The following PPEF1 variants were observed in gnomAD, a reference collection of about 807,000 sequenced individuals.
PPEF1 encodes the protein serine/threonine-protein phosphatase with EF-hands 1.
Under a neutral mutation model 53.3 loss-of-function variants are expected in PPEF1, and 12 were observed. The observed-to-expected ratio is 0.23, with a 90% CI of 0.14 to 0.36. The LOEUF (loss-of-function observed/expected upper bound fraction) is 0.36, where lower values mean the gene tolerates loss of function less well. Among genes scored for constraint, PPEF1 ranks in the 10% least tolerant of loss-of-function variants. The probability of loss-of-function intolerance (pLI) is 1.00; values close to 1 mark genes in which losing one functional copy is unlikely to be tolerated. For synonymous variants in PPEF1, 165 were observed against 176.7 expected (o/e 0.93, Z 0.52); for missense variants, 334 against 490.4 (o/e 0.68, Z 3.01).
chrX:18,749,858 T>C lies in PPEF1; in HGVS notation c.302T>C (p.Ile101Thr). Reference sequence around the variant, plus strand: ...GATAGATGGGATTATGTGGACTCGATAGATGTCCCAGACTCCTATAATGGT... The same window carrying C: ...GATAGATGGGATTATGTGGACTCGACAGATGTCCCAGACTCCTATAATGGT... ...MRDRWDYVDS[I>T]DVPDSYNGPR... is the part of the protein sequence containing the mutation. The change falls in exon 4 of 16, where the codon ATA becomes ACA. Residue 101 changes from isoleucine to threonine, a missense_variant. Transcript: ENST00000470157. 1 of 1,173,680 alleles carries C rather than the reference T, an allele frequency of 8.5e-7. No homozygotes were observed. The highest frequency in any genetic ancestry group is 3.1e-5 in the East Asian group (1 of 32,124).
chrX:18,738,501 G>T (rs1287483793), intron 3 of PPEF1, among the ~76,000 whole-genome samples: 20 of 112,134 alleles, frequency 1.8e-4, no homozygotes, highest in Non-Finnish European at 3.8e-4. Context: ...TCCGCTGTTA[G>T]TCTGATAGGC....
Position 18,749,886 on chromosome X carries a change from T to C in PPEF1, c.330T>C (p.Pro110=), listed in dbSNP as rs1365036930. The part of the protein sequence containing the change: ...SIDVPDSYNG[P]RLQFPLTCTD... ...ATGTCCCAGACTCCTATAATGGTCCTCGGCTACAATTTCCTCTCACTTGTA... is the reference window on the plus strand; with the variant it reads ...ATGTCCCAGACTCCTATAATGGTCCCCGGCTACAATTTCCTCTCACTTGTA... The change falls in exon 4 of 16, where the codon CCT becomes CCC. Residue 110 remains proline, a synonymous_variant. Coordinates refer to ENST00000470157, the MANE Select transcript of PPEF1 (RefSeq NM_001377996.1). 3 of 1,203,126 alleles carry C rather than the reference T, an allele frequency of 2.5e-6. No individual in the cohort carries two copies. Among genetic ancestry groups the C allele is most frequent in the Non-Finnish European group, 3.4e-6 (3 of 888,855 alleles).
intron 12 of PPEF1, among the ~76,000 whole-genome samples, chrX:18,812,375 T>G (rs2147723046): frequency 8.9e-6 from 1 of 112,514 alleles, no homozygotes; most frequent in African/African-American, 3.2e-5. Flanking sequence ...CTGTCCTAAT[T>G]ATTGTAACTT....
chrX:18,758,960 C>T (rs1441748156), intron 5 of PPEF1, among the ~76,000 whole-genome samples: 1 of 111,333 alleles, frequency 9.0e-6, no homozygotes, highest in Admixed American at 9.6e-5. Flanking sequence ...ATTCCTTGCT[C>T]TTATGGGTGA....
intron 4 of PPEF1, among the ~76,000 whole-genome samples, chrX:18,696,812 C>G (rs759853356): frequency 3.6e-5 from 4 of 111,224 alleles, no homozygotes; most frequent in Non-Finnish European, 7.5e-5. Flanking sequence ...GAGCTTCCCC[C>G]CTTTGGTGCT....
In PPEF1 at chrX:18,734,506, A is replaced by G. The variant is rs1206369520; in HGVS notation, c.235+698A>G. ...GTATTCCATGGTGTATATGTGCCAC[A>G]TTTTCTTAATCCAGTCTATCATTGA... is the stretch of plus-strand genomic sequence containing the variant. On this transcript the variant is annotated intron_variant, in intron 3 of 15. Transcript: ENST00000470157. 6.3e-5 allele frequency among the ~76,000 whole-genome samples: 7 copies of G among 110,682 alleles called. No homozygotes were observed. The Admixed American group carries it at 6.8e-4, about 11-fold the overall frequency.
intron 3 of PPEF1, among the ~76,000 whole-genome samples, chrX:18,686,631 A>G (rs1348571898): frequency 9.0e-6 from 1 of 111,054 alleles, no homozygotes; most frequent in Non-Finnish European, 1.9e-5. Context: ...TCACTTGGCT[A>G]AAAAACAGGA....
chrX:18,739,242 T>C (rs748874735), intron 3 of PPEF1, among the ~76,000 whole-genome samples: 27 of 112,666 alleles, frequency 2.4e-4, no homozygotes, highest in African/African-American at 8.4e-4. Flanking sequence ...TTTTCTGCTC[T>C]GGTTTCTCCG....
intron 1 of PPEF1, among the ~76,000 whole-genome samples, chrX:18,683,269 G>A (rs1162358768): frequency 9.0e-6 from 1 of 111,483 alleles, no homozygotes; most frequent in Non-Finnish European, 1.9e-5. Context: ...CAGGGCGCTT[G>A]CTCACGTGTG....
upstream of PPEF1, among the ~76,000 whole-genome samples, chrX:18,678,865 T>G (rs1399371111): frequency 9.0e-6 from 1 of 110,885 alleles, no homozygotes; most frequent in Non-Finnish European, 1.9e-5. Flanking sequence ...TCTCTATTTG[T>G]TCTCACCACC....
At chrX:18,708,034 T>C (rs1419217166) in intron 1 of PPEF1, among the ~76,000 whole-genome samples, 2 of 112,462 alleles carry the variant, frequency 1.8e-5, no homozygotes, top group Admixed American at 1.9e-4. Flanking sequence ...CTTAGAGATA[T>C]TTTGTGTTTG....
At chrX:18,730,663 C>T (rs1437967986) in intron 2 of PPEF1, among the ~76,000 whole-genome samples, 2 of 110,150 alleles carry the variant, frequency 1.8e-5, no homozygotes, top group African/African-American at 6.6e-5. Flanking sequence ...AATTTCCTAG[C>T]AACAAACCTC....
intron 4 of PPEF1, among the ~76,000 whole-genome samples, chrX:18,750,851 GT>G (rs911829101): frequency 8.4e-5 from 9 of 107,373 alleles, no homozygotes; most frequent in South Asian, 8.0e-4. Context: ...TTGTTATTTT[GT>G]TTTTTTTTTT....
intron 12 of PPEF1, among the ~76,000 whole-genome samples, chrX:18,810,057 T>G (rs1181529799): frequency 1.0e-5 from 1 of 97,320 alleles, no homozygotes; most frequent in African/African-American, 3.8e-5. Context: ...TTTATGTCAA[T>G]AAAGCTGGAA....
chrX:18,701,784 T>C (rs182584292), intron 6 of PPEF1, among the ~76,000 whole-genome samples: 78 of 112,650 alleles, frequency 6.9e-4, no homozygotes, highest in African/African-American at 2.4e-3. Context: ...TATGTAATAG[T>C]GGGACCTTTA....
chrX:18,774,972 T>C, intron 6 of PPEF1, among the ~76,000 whole-genome samples: 1 of 111,311 alleles, frequency 9.0e-6, no homozygotes. Context: ...AAATGTTCTC[T>C]CATATTTTTG....
chrX:18,782,413 CTTTTTT>C lies in PPEF1; in HGVS notation c.762+22_762+27del. On this transcript the variant is annotated intron_variant, in intron 8 of 15. Coordinates refer to ENST00000470157, the MANE Select transcript of PPEF1 (RefSeq NM_001377996.1). ...TTGCATAAATATAAGGTAAGACATG[CTTTTTT>C]TTTTTTTTTTAGTATTCACTTTGCT... 1 of 939,519 alleles carries C rather than the reference CTTTTTT, an allele frequency of 1.1e-6. No homozygotes were observed. The highest frequency in any genetic ancestry group is 1.4e-6 in the Non-Finnish European group (1 of 702,394). The allele number at this position is 939,519 out of a possible 1,213,427, so 77.4% of individuals were successfully genotyped here.
chrX:18,778,014 G>C (rs1160411949), intron 6 of PPEF1, among the ~76,000 whole-genome samples: 2 of 111,327 alleles, frequency 1.8e-5, no homozygotes, highest in African/African-American at 6.5e-5. Flanking sequence ...CAAGGTGCTG[G>C]GATTAAAGGT....
intron 10 of PPEF1, among the ~76,000 whole-genome samples, chrX:18,799,896 C>A (rs769850158): frequency 1.8e-5 from 2 of 111,715 alleles, no homozygotes; most frequent in South Asian, 3.7e-4. Flanking sequence ...GGCTTTTATG[C>A]AATTTTTTTG....
Sources: gnomAD v4.1 joint callset for allele counts (sites outside exome capture counted in the v4.1 genomes callset) on GRCh38, gnomAD v4.1.1 for gene constraint, MANE v1.5 for transcripts, NCBI Gene and HGNC (gene_info 2026-07-23, HGNC 2026-07-21) for gene names.